The following ZW10 variants were observed in gnomAD, a reference collection of about 807,000 sequenced individuals.
ZW10 encodes the protein centromere/kinetochore protein zw10 homolog.
A neutral mutation model predicts 87.8 loss-of-function variants in ZW10; 53 were observed. That is an observed-to-expected ratio of 0.60 (90% CI 0.48 to 0.76). ZW10 has a LOEUF of 0.76. ZW10 is among the 30% of genes least tolerant of loss of function. The pLI is 0.00. For missense variants in ZW10, 837 were observed against 923.0 expected (o/e 0.91, Z 1.21); for synonymous variants, 312 against 329.2 (o/e 0.95, Z 0.57).
intron 11 of ZW10, among the ~76,000 whole-genome samples, chr11:113,741,120 CTTTTGT>C (rs1318993965): frequency 6.6e-6 from 1 of 151,312 alleles, no homozygotes; most frequent in African/African-American, 2.4e-5. Context: ...TAGTAAACAG[CTTTTGT>C]TTTTTTTTTT....
At chr11:113,736,865 A>G in intron 14 of ZW10, 43 bp from the exon 15 acceptor site, 2 of 1,591,614 alleles carry the variant, frequency 1.3e-6, no homozygotes, top group Non-Finnish European at 1.7e-6. Flanking sequence ...GAATTGGGCC[A>G]GCTCAGAAGT....
rs1953805225 is a variant in ZW10, at chr11:113,757,680, G to A, written c.907C>T (p.Leu303Phe). The change falls in exon 7 of 16, where the codon CTC (leucine) becomes TTC (phenylalanine). Residue 303 changes from leucine (L) to phenylalanine (F), a missense_variant. Leu to Phe is a conservative substitution (Grantham distance 22). Coordinates refer to ENST00000200135, the MANE Select transcript of ZW10 (RefSeq NM_004724.4). The part of the protein sequence containing the change: ...FTKIRLVLEV[L>F]QKQLLDLPLD... ...CACATACCTAGAAGCTGTTTCTGGA[G>A]CACTTCTAGTACCAGTCTGATCTTT... The A allele has an allele frequency of 6.4e-7, 1 of 1,551,904 alleles. No individual in the cohort carries two copies. Among genetic ancestry groups the A allele is most frequent in the Non-Finnish European group, 8.7e-7 (1 of 1,142,884 alleles).
chr11:113,751,962 T>C (rs1212518240), intron 7 of ZW10, among the ~76,000 whole-genome samples: 1 of 152,188 alleles, frequency 6.6e-6, no homozygotes, highest in African/African-American at 2.4e-5. Context: ...TGAAACATGC[T>C]CTATAAAAAG....
chr11:113,749,679 C>G (rs564762883), intron 7 of ZW10, among the ~76,000 whole-genome samples: 250 of 152,222 alleles, frequency 1.6e-3, no homozygotes, highest in Non-Finnish European at 2.8e-3. Flanking sequence ...AGTGGAGGCA[C>G]GAGACCTCTC....
At chr11:113,768,510 T>C (rs2459970) in intron 2 of ZW10, among the ~76,000 whole-genome samples, 42,634 of 152,068 alleles carry the variant, frequency 0.28, 7,206 homozygotes, top group Non-Finnish European at 0.38. Context: ...AAATGCACTC[T>C]GGGGATATTT....
intron 10 of ZW10, 150 bp downstream of exon 10, chr11:113,743,652 T>C (rs533118686): frequency 4.4e-6 from 3 of 675,082 alleles, no homozygotes; most frequent in Non-Finnish European, 7.7e-6. Flanking sequence ...TGCACTGGGT[T>C]TTTGTTTTGT....
chr11:113,744,129 T>C, intron 9 of ZW10, 89 bp from the exon 10 acceptor site: 1 of 1,106,512 alleles, frequency 9.0e-7, no homozygotes, highest in South Asian at 1.5e-5. Context: ...GGCTCACGCC[T>C]GTAATCCCAG....
At position 113,758,548 on chromosome 11, in the gene ZW10, C is replaced by T. The variant is rs565777010; in HGVS notation, c.733+6G>A. On this transcript the variant is annotated splice_donor_region_variant and intron_variant, in intron 6 of 15. Coordinates refer to ENST00000200135, the MANE Select transcript of ZW10 (RefSeq NM_004724.4). ...TGTGTAAATGAAACAAAGTAGCATG[C>T]CTTACCAAATGATTTAAGCTTGCTG... 10 of 1,612,668 alleles carry T rather than the reference C, an allele frequency of 6.2e-6. No homozygotes were observed. The East Asian group carries it at 2.0e-4, about 32-fold the overall frequency.
In ZW10 at chr11:113,758,549, CT is replaced by C; in HGVS notation, c.733+4del. 1 of 1,612,778 alleles carries C rather than the reference CT, an allele frequency of 6.2e-7. No homozygotes were observed. Among genetic ancestry groups the C allele is most frequent in the Non-Finnish European group, 8.5e-7 (1 of 1,179,608 alleles). On this transcript the variant is annotated splice_donor_region_variant and intron_variant, in intron 6 of 15. Coordinates refer to ENST00000200135, the MANE Select transcript of ZW10 (RefSeq NM_004724.4). ...GTGTAAATGAAACAAAGTAGCATGC[CT>C]TACCAAATGATTTAAGCTTGCTGTG... is the stretch of plus-strand genomic sequence containing the variant.
At chr11:113,746,105 C>T (rs1953673660) in intron 9 of ZW10, among the ~76,000 whole-genome samples, 1 of 152,136 alleles carries the variant, frequency 6.6e-6, no homozygotes, top group Non-Finnish European at 1.5e-5. Flanking sequence ...TAGGACAGTC[C>T]CCCACAGCGA....
chr11:113,742,630 G>C (rs957389470), intron 10 of ZW10, among the ~76,000 whole-genome samples: 1 of 152,118 alleles, frequency 6.6e-6, no homozygotes, highest in Non-Finnish European at 1.5e-5. Context: ...AATACTGTTT[G>C]GTGTTTTGTG....
At chr11:113,745,273 C>A (rs908996562) in intron 9 of ZW10, among the ~76,000 whole-genome samples, 11 of 150,734 alleles carry the variant, frequency 7.3e-5, no homozygotes, top group East Asian at 1.9e-4. Context: ...GGCTTTTGAA[C>A]CTTGTTCCTC....
intron 2 of ZW10, among the ~76,000 whole-genome samples, chr11:113,762,324 T>C (rs1383872608): frequency 6.6e-6 from 1 of 152,148 alleles, no homozygotes; most frequent in Non-Finnish European, 1.5e-5. Flanking sequence ...TGAATGTAAG[T>C]TGCAGGACTA....
At chr11:113,762,268 T>TA (rs1254479378) in intron 2 of ZW10, among the ~76,000 whole-genome samples, 1 of 152,112 alleles carries the variant, frequency 6.6e-6, no homozygotes, top group Admixed American at 6.6e-5. Flanking sequence ...AAACATACAG[T>TA]AAAAATACAG....
chr11:113,745,640 T>A (rs1218399721), intron 9 of ZW10, among the ~76,000 whole-genome samples: 2 of 152,176 alleles, frequency 1.3e-5, no homozygotes, highest in Non-Finnish European at 2.9e-5. Context: ...TGGGCCTGGA[T>A]ACATAAGATT....
chr11:113,746,091 C>T (rs1285456894), intron 9 of ZW10, among the ~76,000 whole-genome samples: 2 of 152,144 alleles, frequency 1.3e-5, no homozygotes, highest in Non-Finnish European at 2.9e-5. Context: ...TGCTAAATAT[C>T]CCATAGGACA....
chr11:113,736,594 T>A (rs1452441218), intron 15 of ZW10, 26 bp downstream of exon 15: 1 of 1,610,102 alleles, frequency 6.2e-7, no homozygotes, highest in Non-Finnish European at 8.5e-7. Context: ...GAGAGTTATA[T>A]GCCTCTATAG....
At chr11:113,772,741 G>A (rs1037164566) in intron 1 of ZW10, among the ~76,000 whole-genome samples, 2 of 151,666 alleles carry the variant, frequency 1.3e-5, no homozygotes, top group African/African-American at 4.8e-5. Context: ...GGGAGGCCGA[G>A]GCGGGTGGAT....
In ZW10 at chr11:113,744,178, G is replaced by A. The variant is rs536937584; in HGVS notation, c.1273-138C>T. 208 of 661,550 alleles carry A rather than the reference G, an allele frequency of 3.1e-4. No homozygotes were observed. The African/African-American group carries it at 3.5e-3, about 11-fold the overall frequency. The allele number at this position is 661,550 out of a possible 1,614,324, so 41.0% of individuals were successfully genotyped here. ...CGAGGCGGGCAGATCACGAGGTCAG[G>A]AGATCGAGACCATCCTGGCTAACAC... is the stretch of plus-strand genomic sequence containing the variant. On this transcript the variant is annotated intron_variant, in intron 9 of 15. Transcript: ENST00000200135.
Sources: gnomAD v4.1 joint callset for allele counts (sites outside exome capture counted in the v4.1 genomes callset) on GRCh38, gnomAD v4.1.1 for gene constraint, MANE v1.5 for transcripts, NCBI Gene and HGNC (gene_info 2026-07-23, HGNC 2026-07-21) for gene names.